VPS13B: variants seen among roughly 807,000 people sequenced by gnomAD.
The protein encoded by VPS13B is intermembrane lipid transfer protein VPS13B.
A neutral mutation model predicts 426.4 loss-of-function variants in VPS13B; 285 were observed. That is an observed-to-expected ratio of 0.67 (90% CI 0.61 to 0.74). VPS13B has a LOEUF of 0.74. VPS13B is among the 30% of genes least tolerant of loss of function. The probability of loss-of-function intolerance (pLI) is 0.00; values close to 1 mark genes in which losing one functional copy is unlikely to be tolerated. For missense variants in VPS13B, 4,537 were observed against 4,782.6 expected, an observed-to-expected ratio of 0.95 and a Z score of 1.51; for synonymous variants, 1,676 against 1,676.4, an observed-to-expected ratio of 1.00 and a Z score of 0.01.
chr8:99,684,205 T>G (rs1036543923), intron 35 of VPS13B, among the ~76,000 whole-genome samples: 69 of 152,224 alleles, frequency 4.5e-4, no homozygotes, highest in African/African-American at 1.6e-3. Flanking sequence ...TGGATTTGAT[T>G]TGCTACATTT....
intron 36 of VPS13B, among the ~76,000 whole-genome samples, chr8:99,703,478 G>A (rs1354941631): frequency 1.3e-5 from 2 of 151,996 alleles, no homozygotes; most frequent in African/African-American, 4.8e-5. Flanking sequence ...TAAGGTTGGT[G>A]TATAATATTG....
At chr8:99,488,940 A>T (rs540684018) in intron 25 of VPS13B, among the ~76,000 whole-genome samples, 34 of 152,258 alleles carry the variant, frequency 2.2e-4, no homozygotes, top group Non-Finnish European at 4.0e-4. Context: ...TTGGTGTTTT[A>T]GTCATGAAGT....
At chr8:99,190,221 T>C (rs1813480542) in intron 16 of VPS13B, among the ~76,000 whole-genome samples, 1 of 152,184 alleles carries the variant, frequency 6.6e-6, no homozygotes, top group Admixed American at 6.5e-5. Context: ...TGTTAATGTG[T>C]AACTCTTTTT....
At chr8:99,413,980 C>T (rs914911379) in intron 21 of VPS13B, among the ~76,000 whole-genome samples, 1 of 152,080 alleles carries the variant, frequency 6.6e-6, no homozygotes, top group East Asian at 1.9e-4. Context: ...CCTGAATATC[C>T]TTGTTAATTT....
intron 15 of VPS13B, among the ~76,000 whole-genome samples, chr8:99,164,021 T>A (rs182096976): frequency 1.5e-3 from 230 of 152,306 alleles, no homozygotes; most frequent in African/African-American, 5.1e-3. Flanking sequence ...TTGACTGCTC[T>A]AGCTACTTCC....
chr8:99,674,267 G>A (rs1340599414), intron 35 of VPS13B, among the ~76,000 whole-genome samples: 5 of 152,116 alleles, frequency 3.3e-5, no homozygotes, highest in African/African-American at 9.6e-5. Context: ...TTTAGATGCT[G>A]CAGTGTTAGG....
intron 17 of VPS13B, among the ~76,000 whole-genome samples, chr8:99,265,915 T>C (rs544984254): frequency 7.9e-5 from 12 of 152,342 alleles, no homozygotes; most frequent in Middle Eastern, 6.8e-3. Context: ...GAGCGGCCTA[T>C]TTGGCTCTTG....
intron 27 of VPS13B, among the ~76,000 whole-genome samples, chr8:99,503,872 C>T (rs1191346941): frequency 6.6e-6 from 1 of 152,206 alleles, no homozygotes; most frequent in East Asian, 1.9e-4. Flanking sequence ...TTTTTACCTC[C>T]TCCCATGAAT....
At chr8:99,093,983 G>A (rs1271147465) in intron 3 of VPS13B, 1 of 151,966 alleles carries the variant, frequency 6.6e-6, no homozygotes, top group Non-Finnish European at 1.5e-5. Flanking sequence ...CCATTTTGCT[G>A]CTAATAATTT....
intron 15 of VPS13B, among the ~76,000 whole-genome samples, chr8:99,162,501 T>G (rs1811724708): frequency 6.6e-6 from 1 of 151,888 alleles, no homozygotes; most frequent in South Asian, 2.1e-4. Flanking sequence ...GCTCTTAAGG[T>G]GGCGCGTCTG....
In VPS13B at chr8:99,147,987, C is replaced by T. The variant is rs778967880; in HGVS notation, c.1990C>T (p.Leu664=). 6.2e-7 allele frequency: 1 copy of T among 1,612,152 alleles called. No homozygotes were observed. The highest frequency in any genetic ancestry group is 8.5e-7 in the Non-Finnish European group (1 of 1,178,990). ...MAEFNLLDHL[L]PVIMGEKNSS... Reference sequence around the variant, plus strand: ...TGAATTCAACTTGCTGGACCATTTACTACCTGTCATTATGGGAGAAAAGGT... The same window carrying T: ...TGAATTCAACTTGCTGGACCATTTATTACCTGTCATTATGGGAGAAAAGGT... The change falls in exon 14 of 62, where the codon CTA becomes TTA. Residue 664 remains leucine (L), a synonymous_variant. Coordinates refer to ENST00000357162, the MANE Select transcript of VPS13B (RefSeq NM_152564.5).
intron 19 of VPS13B, among the ~76,000 whole-genome samples, chr8:99,320,043 A>G (rs561499758): frequency 3.4e-4 from 52 of 152,284 alleles, no homozygotes; most frequent in African/African-American, 1.2e-3. Flanking sequence ...AGAGGGAGTG[A>G]TTGTTTATAA....
At chr8:99,470,849 T>G (rs1819365546) in intron 24 of VPS13B, among the ~76,000 whole-genome samples, 1 of 151,990 alleles carries the variant, frequency 6.6e-6, no homozygotes, top group Admixed American at 6.6e-5. Context: ...TTTGGACACA[T>G]TGTGATTAAA....
At chr8:99,655,210 C>G (rs1829979053) in intron 34 of VPS13B, among the ~76,000 whole-genome samples, 1 of 152,166 alleles carries the variant, frequency 6.6e-6, no homozygotes, top group Admixed American at 6.5e-5. Flanking sequence ...TGATACAACA[C>G]TGAATACATA....
chr8:99,787,086 T>C (rs977803929), intron 43 of VPS13B, among the ~76,000 whole-genome samples: 6 of 152,322 alleles, frequency 3.9e-5, no homozygotes, highest in Middle Eastern at 3.4e-3. Flanking sequence ...ATGTTTATGC[T>C]ACCTTGGGTG....
chr8:99,797,512 T>C (rs1185306683), intron 43 of VPS13B, among the ~76,000 whole-genome samples: 1 of 152,222 alleles, frequency 6.6e-6, no homozygotes, highest in East Asian at 1.9e-4. Context: ...TTGGATACTT[T>C]TGTATATACT....
At chr8:99,234,412 G>C in intron 17 of VPS13B, 1 of 679,758 alleles carries the variant, frequency 1.5e-6, no homozygotes, top group Non-Finnish European at 2.8e-6. Flanking sequence ...GCTTTTTAGA[G>C]ACCGAGTAAT....
At chr8:99,600,515 A>G (rs1022836323) in intron 33 of VPS13B, among the ~76,000 whole-genome samples, 16 of 152,176 alleles carry the variant, frequency 1.1e-4, no homozygotes, top group Admixed American at 5.9e-4. Context: ...TAAGCCATTG[A>G]AGAGTCAAAA....
intron 21 of VPS13B, among the ~76,000 whole-genome samples, chr8:99,405,602 C>CT (rs962463468): frequency 2.6e-5 from 4 of 152,094 alleles, no homozygotes; most frequent in African/African-American, 9.7e-5. Flanking sequence ...GATCATGTCT[C>CT]TCCCTGCTTA....
Sources: gnomAD v4.1 joint callset for allele counts (sites outside exome capture counted in the v4.1 genomes callset) on GRCh38, gnomAD v4.1.1 for gene constraint, MANE v1.5 for transcripts, NCBI Gene and HGNC (gene_info 2026-07-23, HGNC 2026-07-21) for gene names.